Variants in RGSL1 observed in about 807,000 individuals in gnomAD.
RGSL1 encodes the protein regulator of G protein signaling protein-like.
In RGSL1, 97 loss-of-function variants were observed where a neutral mutation model predicts 124.7. That is an observed-to-expected ratio of 0.78 (90% CI 0.66 to 0.92). The LOEUF (loss-of-function observed/expected upper bound fraction) is 0.92, where lower values mean the gene tolerates loss of function less well. Ranked by LOEUF, RGSL1 falls within the 40% of genes least tolerant of loss-of-function variation. The probability of loss-of-function intolerance (pLI) is 0.00; values close to 1 mark genes in which losing one functional copy is unlikely to be tolerated. For missense variants in RGSL1, 1,233 were observed against 1,288.4 expected (o/e 0.96, Z 0.66); for synonymous variants, 424 against 438.1 (o/e 0.97, Z 0.40).
chr1:182,539,149 G>T (rs1558410226), intron 14 of RGSL1, among the ~76,000 whole-genome samples: 1 of 152,072 alleles, frequency 6.6e-6, no homozygotes, highest in Non-Finnish European at 1.5e-5. Context: ...TACAAATTAG[G>T]TCTCCCCCTC....
chr1:182,509,141 CG>C (rs1657093183), intron 9 of RGSL1, among the ~76,000 whole-genome samples: 1 of 68,720 alleles, frequency 1.5e-5, no homozygotes, highest in African/African-American at 5.6e-5. Flanking sequence ...CCACCTTTCC[CG>C]CCTTTCTATT....
chr1:182,452,395 T>TGAAC (rs1455538384), intron 1 of RGSL1, among the ~76,000 whole-genome samples: 1 of 151,524 alleles, frequency 6.6e-6, no homozygotes, highest in East Asian at 1.9e-4. Flanking sequence ...AAGATGTATG[T>TGAAC]GAACAGAGGG....
intron 9 of RGSL1, among the ~76,000 whole-genome samples, chr1:182,503,861 T>C (rs1206336211): frequency 6.6e-6 from 1 of 152,150 alleles, no homozygotes; most frequent in African/African-American, 2.4e-5. Flanking sequence ...AAACATCTTA[T>C]GTATCCCATA....
intron 14 of RGSL1, among the ~76,000 whole-genome samples, chr1:182,536,875 A>C (rs910292920): frequency 2.0e-5 from 3 of 152,178 alleles, no homozygotes; most frequent in Admixed American, 2.0e-4. Flanking sequence ...TTCCTCCCAC[A>C]ACACATGGGA....
At chr1:182,497,836 C>A (rs149442239) in intron 9 of RGSL1, among the ~76,000 whole-genome samples, 74 of 152,256 alleles carry the variant, frequency 4.9e-4, no homozygotes, top group African/African-American at 1.8e-3. Context: ...CATTGCAGTT[C>A]TTTTCACTGC....
At chr1:182,540,621 C>T (rs909995599) in intron 15 of RGSL1, among the ~76,000 whole-genome samples, 200 bp downstream of exon 15, 26 of 152,126 alleles carry the variant, frequency 1.7e-4, no homozygotes, top group Admixed American at 4.6e-4. Context: ...AAAAGCTCTT[C>T]AGTATTCCAG....
chr1:182,491,557 G>A (rs1655527111), intron 8 of RGSL1, among the ~76,000 whole-genome samples: 1 of 152,118 alleles, frequency 6.6e-6, no homozygotes, highest in Non-Finnish European at 1.5e-5. Context: ...CCAGAATGGT[G>A]AAAAGACTTG....
At chr1:182,518,917 C>T (rs190634076) in intron 9 of RGSL1, among the ~76,000 whole-genome samples, 1 of 151,996 alleles carries the variant, frequency 6.6e-6, no homozygotes, top group East Asian at 1.9e-4. Context: ...TCCTTCCATG[C>T]TGCCATTTTG....
intron 18 of RGSL1, among the ~76,000 whole-genome samples, chr1:182,551,782 T>C (rs902035103): frequency 4.1e-4 from 63 of 152,180 alleles, no homozygotes; most frequent in African/African-American, 1.5e-3. Context: ...CACATAATGA[T>C]GTTTCAGTCA....
At chr1:182,518,118 C>A (rs1397556997) in intron 9 of RGSL1, among the ~76,000 whole-genome samples, 2 of 152,144 alleles carry the variant, frequency 1.3e-5, no homozygotes, top group African/African-American at 4.8e-5. Flanking sequence ...TGGCTCACTG[C>A]AGCCTCAACT....
At chr1:182,548,565 A>G in intron 16 of RGSL1, 110 bp downstream of exon 16, 1 of 1,507,150 alleles carries the variant, frequency 6.6e-7, no homozygotes, top group Non-Finnish European at 8.9e-7. Context: ...CTAACTACAT[A>G]TCCTTTACCT....
chr1:182,516,486 G>A (rs1657906019), intron 9 of RGSL1, among the ~76,000 whole-genome samples: 1 of 152,074 alleles, frequency 6.6e-6, no homozygotes, highest in Admixed American at 6.6e-5. Context: ...CTGCCATTTT[G>A]TTGCTTATTA....
At chr1:182,480,232 T>C (rs142481077) in intron 6 of RGSL1, among the ~76,000 whole-genome samples, 20 of 152,298 alleles carry the variant, frequency 1.3e-4, no homozygotes, top group Non-Finnish European at 2.5e-4. Context: ...GAATAGATCA[T>C]GTGCTAAGTC....
At chr1:182,449,981 G>T, upstream of RGSL1, 2 of 662,852 alleles carry the variant, frequency 3.0e-6, no homozygotes, top group South Asian at 1.8e-5. Context: ...GGATTCAGCA[G>T]ATTAGGTAAG....
intron 4 of RGSL1, among the ~76,000 whole-genome samples, chr1:182,462,138 C>A (rs940801909): frequency 6.6e-6 from 1 of 151,842 alleles, no homozygotes; most frequent in Non-Finnish European, 1.5e-5. Flanking sequence ...CATCACTTTA[C>A]AAAGGATATT....
intron 9 of RGSL1, among the ~76,000 whole-genome samples, chr1:182,517,914 G>C (rs1429659117): frequency 6.6e-6 from 1 of 151,622 alleles, no homozygotes; most frequent in Non-Finnish European, 1.5e-5. Context: ...GGAAGATTGT[G>C]GTTCTCTGTT....
Position 182,548,700 on chromosome 1 carries a change from G to T in RGSL1, c.2809G>T (p.Val937Leu). 1 of 1,551,512 alleles carries T rather than the reference G, an allele frequency of 6.4e-7. No homozygotes were observed. The highest frequency in any genetic ancestry group is 8.7e-7 in the Non-Finnish European group (1 of 1,146,962). The stretch of plus-strand genomic sequence containing the variant: ...TGACAGGCTCCCACTCTGTGGGTAG[G>T]TGAATGTCCCTGAGTTCCAGAAGGA... ...LNSDIPPKLRVNVPEFQKDAI... is the reference protein window; with the variant it reads ...LNSDIPPKLRLNVPEFQKDAI... Residue 937 changes from valine to leucine, a missense_variant and splice_region_variant, in exon 17 of 22, where the codon GTG becomes TTG. Coordinates refer to ENST00000294854, the MANE Select transcript of RGSL1 (RefSeq NM_001137669.2).
intron 4 of RGSL1, among the ~76,000 whole-genome samples, chr1:182,465,200 A>G (rs1242728388): frequency 6.9e-6 from 1 of 145,918 alleles, no homozygotes; most frequent in African/African-American, 2.8e-5. Flanking sequence ...TAGATGAGAT[A>G]GAAGGATTCC....
chr1:182,520,567 C>T (rs1658258820), intron 9 of RGSL1, among the ~76,000 whole-genome samples: 1 of 152,092 alleles, frequency 6.6e-6, no homozygotes, highest in Non-Finnish European at 1.5e-5. Context: ...TTAGTATCCT[C>T]ATTGTTTCTA....
Sources: gnomAD v4.1 joint callset for allele counts (sites outside exome capture counted in the v4.1 genomes callset) on GRCh38, gnomAD v4.1.1 for gene constraint, MANE v1.5 for transcripts, NCBI Gene and HGNC (gene_info 2026-07-23, HGNC 2026-07-21) for gene names.